Variants in RBSN observed in about 807,000 individuals in gnomAD.
The protein encoded by RBSN is rabenosyn-5.
In RBSN, 34 loss-of-function variants were observed where a neutral mutation model predicts 60.5. The ratio of observed to expected loss-of-function variants is 0.56; its 90% CI spans 0.43 to 0.75. The LOEUF (loss-of-function observed/expected upper bound fraction) is 0.75. RBSN is among the 30% of genes least tolerant of loss of function. The pLI is 0.00. For missense variants in RBSN, 845 were observed against 986.8 expected (o/e 0.86, Z 1.92); for synonymous variants, 322 against 366.9 (o/e 0.88, Z 1.40).
chr3:15,079,452 T>C (rs1361251915), intron 10 of RBSN, among the ~76,000 whole-genome samples: 1 of 151,900 alleles, frequency 6.6e-6, no homozygotes, highest in Admixed American at 6.6e-5. Flanking sequence ...CCGAGAGAAA[T>C]GAAAACATGT....
chr3:15,078,787 T>TATA (rs1191543443), intron 10 of RBSN, among the ~76,000 whole-genome samples: 3 of 43,344 alleles, frequency 6.9e-5, no homozygotes, highest in African/African-American at 2.4e-4. Flanking sequence ...TACATATATA[T>TATA]ATATATATAT....
At chr3:15,089,456 C>CAAAAA (rs757156425) in intron 5 of RBSN, among the ~76,000 whole-genome samples, 108 of 30,900 alleles carry the variant, frequency 3.5e-3, no homozygotes, top group East Asian at 9.2e-3. Context: ...ACTCCATCTC[C>CAAAAA]AAAAAAAAAA....
chr3:15,077,289 T>TGTAATC lies in RBSN; in HGVS notation c.999-126_999-125insGATTAC. ...AGGTGTGTAAAGATGGACAAGTGACTCCATTGAAGTTTCTTTGAAGGCAAA... is the reference window on the plus strand; with the variant it reads ...AGGTGTGTAAAGATGGACAAGTGACTGTAATCCCATTGAAGTTTCTTTGAAGGCAAA... On this transcript the variant is annotated intron_variant, in intron 11 of 13. Transcript: ENST00000253699. This position sits in a 1 kb window ranked among gnomAD's most constrained non-coding sequence, Gnocchi z 4.4. The TGTAATC allele has an allele frequency of 1.3e-6, 1 of 782,966 alleles. No individual in the cohort carries two copies. The highest frequency in any genetic ancestry group is 2.1e-6 in the Non-Finnish European group (1 of 467,264). The allele number at this position is 782,966 out of a possible 1,614,324, so 48.5% of individuals were successfully genotyped here. A position where few individuals can be genotyped will look rare whatever the true frequency, so the allele number is the denominator to read the frequency against.
In RBSN at chr3:15,074,376, C is replaced by A; in HGVS notation, c.1761G>T (p.Lys587Asn). 1 of 1,614,094 alleles carries A rather than the reference C, an allele frequency of 6.2e-7. No homozygotes were observed. Among genetic ancestry groups the A allele is most frequent in the East Asian group, 2.2e-5 (1 of 44,880 alleles). Residue 587 changes from lysine to asparagine, a missense_variant, in exon 14 of 14, where the codon AAG becomes AAT. Physicochemically the swap from Lys to Asn is moderately conservative, Grantham distance 94. Transcript: ENST00000253699. The surrounding 1 kb of genome is among the most constrained non-coding windows in gnomAD (Gnocchi z 6.4). Reference protein sequence around the residue: ...SSPVPSSTAPKTPSLSSTQPT... With the variant: ...SSPVPSSTAPNTPSLSSTQPT... The stretch of plus-strand genomic sequence containing the variant: ...GTTGAGTTGAGCTAAGTGAAGGGGT[C>A]TTGGGAGCTGTGCTGCTTGGAACTG...
intron 12 of RBSN, 96 bp from the exon 13 acceptor site, chr3:15,075,806 C>T: frequency 3.1e-6 from 3 of 966,464 alleles, no homozygotes; most frequent in Non-Finnish European, 4.9e-6. Flanking sequence ...CTGAGCCACT[C>T]TGTTCTCAGA....
intron 6 of RBSN, 41 bp from the exon 7 acceptor site, chr3:15,085,086 G>T (rs749321431): frequency 3.7e-6 from 6 of 1,609,228 alleles, no homozygotes; most frequent in South Asian, 1.1e-5. Context: ...TTAACCAGGT[G>T]ATGTATACAT....
chr3:15,078,926 A>T (rs1229012548), intron 10 of RBSN, among the ~76,000 whole-genome samples: 1 of 151,026 alleles, frequency 6.6e-6, no homozygotes, highest in Non-Finnish European at 1.5e-5. Context: ...TAGGCAACAC[A>T]GGTTTAAGAC....
chr3:15,075,201 AAACCTC>A, intron 13 of RBSN: 1 of 508,534 alleles, frequency 2.0e-6, no homozygotes, highest in Non-Finnish European at 3.5e-6. Context: ...TACTTTTCTT[AAACCTC>A]TAAGGTCTGT....
chr3:15,095,415 T>C (rs560283407), intron 4 of RBSN, among the ~76,000 whole-genome samples: 1 of 152,350 alleles, frequency 6.6e-6, no homozygotes, highest in South Asian at 2.1e-4. Context: ...GAAAAATTCT[T>C]TCCACAACTC....
At chr3:15,079,444 G>A (rs571402884) in intron 10 of RBSN, among the ~76,000 whole-genome samples, 105 of 152,168 alleles carry the variant, frequency 6.9e-4, no homozygotes, top group African/African-American at 2.3e-3. Context: ...GTACCTACCC[G>A]AGAGAAATGA....
intron 6 of RBSN, among the ~76,000 whole-genome samples, chr3:15,085,299 G>C (rs2043311607): frequency 6.6e-6 from 1 of 152,120 alleles, no homozygotes; most frequent in African/African-American, 2.4e-5. Context: ...AATAACCAGG[G>C]GTAGGCAAGG....
chr3:15,074,958 A>T lies in RBSN; in HGVS notation c.1207-28T>A, dbSNP rs777215590. On this transcript the variant is annotated intron_variant, in intron 13 of 13. Transcript: ENST00000253699. The surrounding 1 kb of genome is among the most constrained non-coding windows in gnomAD (Gnocchi z 6.4). The stretch of plus-strand genomic sequence containing the variant: ...GGGGAGAGAGCAAAGCAGAGAGAAG[A>T]AACAGTCACTATGCTGGCAGCAGCC... 6.3e-7 allele frequency: 1 copy of T among 1,578,034 alleles called. No individual in the cohort carries two copies. Among genetic ancestry groups the T allele is most frequent in the Non-Finnish European group, 8.6e-7 (1 of 1,164,862 alleles).
At position 15,082,737 on chromosome 3, in the gene RBSN, C is replaced by T. The variant is rs988882388; in HGVS notation, c.599-129G>A. ...TAAGATCAGGCTCCAGCTGTGGGCACGTACTGCCCCTCTGCCTTCCTGGTG... is the reference window on the plus strand; with the variant it reads ...TAAGATCAGGCTCCAGCTGTGGGCATGTACTGCCCCTCTGCCTTCCTGGTG... On this transcript the variant is annotated intron_variant, in intron 8 of 13. Coordinates refer to ENST00000253699, the MANE Select transcript of RBSN (RefSeq NM_022340.4). This position sits in a 1 kb window ranked among gnomAD's most constrained non-coding sequence, Gnocchi z 4.2. The T allele has an allele frequency of 2.6e-5, 34 of 1,311,294 alleles. No individual in the cohort carries two copies. Among genetic ancestry groups the T allele is most frequent in the African/African-American group, 2.2e-4 (15 of 67,974 alleles). 81.2% of individuals were successfully genotyped at this position (1,311,294 alleles called of 1,614,324 possible). A position where few individuals can be genotyped will look rare whatever the true frequency, so the allele number is the denominator to read the frequency against.
chr3:15,087,217 T>G (rs2043367670), intron 5 of RBSN, among the ~76,000 whole-genome samples: 1 of 152,140 alleles, frequency 6.6e-6, no homozygotes, highest in African/African-American at 2.4e-5. Flanking sequence ...CGAGATATTT[T>G]TATTAACTAT....
rs1176659526 is a variant in RBSN at position 15,073,802 on chromosome 3, G to C, written c.2335C>G (p.Gln779Glu). Residue 779 changes from glutamine (Q) to glutamate (E), a missense_variant, in exon 14 of 14, where the codon CAG (glutamine) becomes GAG (glutamate). Transcript: ENST00000253699. ...LRELKHTLAKQKGGTD is the reference protein window; with the variant it reads ...LRELKHTLAKEKGGTD ...GCTGGTCAGTCAGTGCCCCCCTTCT[G>C]CTTGGCCAGGGTGTGCTTCAGCTCC... 4.4e-6 allele frequency: 7 copies of C among 1,605,522 alleles called. No individual in the cohort carries two copies. Among genetic ancestry groups the C allele is most frequent in the African/African-American group, 1.3e-5 (1 of 74,950 alleles).
At chr3:15,076,329 A>G (rs2043052796) in intron 12 of RBSN, among the ~76,000 whole-genome samples, 1 of 152,170 alleles carries the variant, frequency 6.6e-6, no homozygotes, top group African/African-American at 2.4e-5. Flanking sequence ...GGCTGGGTGC[A>G]GTGGCTCACG....
At chr3:15,095,262 G>A (rs1057084001) in intron 4 of RBSN, among the ~76,000 whole-genome samples, 12 of 151,730 alleles carry the variant, frequency 7.9e-5, no homozygotes, top group Non-Finnish European at 1.8e-4. Flanking sequence ...GAGCTCAAGT[G>A]ATCTGCCCAC....
In RBSN at chr3:15,074,781, C is replaced by G; in HGVS notation, c.1356G>C (p.Gln452His). 1 of 1,614,260 alleles carries G rather than the reference C, an allele frequency of 6.2e-7. No homozygotes were observed. The highest frequency in any genetic ancestry group is 8.5e-7 in the Non-Finnish European group (1 of 1,180,046). The change falls in exon 14 of 14, where the codon CAG becomes CAC. Residue 452 changes from glutamine to histidine, a missense_variant. By Grantham distance (24) the Gln-to-His change is conservative. Transcript: ENST00000253699. The surrounding 1 kb of genome is among the most constrained non-coding windows in gnomAD (Gnocchi z 6.4). ...GGAGGAGCGGGTCTGAGTCCTCACT[C>G]TGCCCCTGACCTCCTGACAGTGGGA... ...GWLPLSGGQG[Q>H]SEDSDPLLQQ... is the part of the protein sequence containing the mutation.
intron 9 of RBSN, chr3:15,081,068 CAAT>C: frequency 7.6e-6 from 3 of 395,458 alleles, no homozygotes; most frequent in South Asian, 6.4e-5. Flanking sequence ...AGGTGGAGTA[CAAT>C]GGCGCGATCT....
Sources: gnomAD v4.1 joint callset for allele counts (sites outside exome capture counted in the v4.1 genomes callset) on GRCh38, gnomAD v4.1.1 for gene constraint, Gnocchi (gnomAD v3.1) non-coding constraint, MANE v1.5 for transcripts, NCBI Gene and HGNC (gene_info 2026-07-23, HGNC 2026-07-21) for gene names.